Variants in SLK observed in about 807,000 individuals in gnomAD.
SLK encodes STE20 like kinase.
In SLK, 67 loss-of-function variants were observed where a neutral mutation model predicts 147.7. The observed-to-expected ratio is 0.45, with a 90% CI of 0.37 to 0.56. SLK has a LOEUF of 0.56. Among genes scored for constraint, SLK ranks in the 20% least tolerant of loss-of-function variants. SLK has a pLI of 0.00. For missense variants in SLK, 1,136 were observed against 1,438.8 expected, an observed-to-expected ratio of 0.79 and a Z score of 3.41; for synonymous variants, 441 against 475.0, an observed-to-expected ratio of 0.93 and a Z score of 0.93.
chr10:104,019,020 T>C, intron 15 of SLK, 112 bp downstream of exon 15: 1 of 1,057,090 alleles, frequency 9.5e-7, no homozygotes, highest in Non-Finnish European at 1.3e-6. Context: ...CCTTTCTGTC[T>C]TTTATCCTAC....
In SLK at chr10:104,018,771, T is replaced by C. The variant is rs760098740; in HGVS notation, c.3008-13T>C. ...AAGAGCAAAGTGACATTTTGAAAAC[T>C]GCTGTCTTCTAGCTCGAGAAGCTGC... On this transcript the variant is annotated splice_polypyrimidine_tract_variant and intron_variant, in intron 14 of 18. Transcript: ENST00000369755. 1.1e-5 allele frequency: 18 copies of C among 1,594,870 alleles called. No homozygotes were observed. Among genetic ancestry groups the C allele is most frequent in the Non-Finnish European group, 1.5e-5 (18 of 1,175,312 alleles).
At chr10:103,980,539 C>T (rs1843927639) in intron 1 of SLK, among the ~76,000 whole-genome samples, 1 of 152,118 alleles carries the variant, frequency 6.6e-6, no homozygotes, top group Non-Finnish European at 1.5e-5. Flanking sequence ...CTTTTTGATA[C>T]CATGATTTTG....
At chr10:103,975,914 G>C (rs1259378099) in intron 1 of SLK, among the ~76,000 whole-genome samples, 1 of 151,816 alleles carries the variant, frequency 6.6e-6, no homozygotes, top group Non-Finnish European at 1.5e-5. Context: ...ATCTTTATTT[G>C]TTTTATTATT....
intron 13 of SLK, among the ~76,000 whole-genome samples, chr10:104,013,038 C>A (rs1009486316): frequency 6.6e-6 from 1 of 152,112 alleles, no homozygotes; most frequent in Non-Finnish European, 1.5e-5. Flanking sequence ...CTGAGTAGAG[C>A]TGAAAGTAAT....
chr10:103,967,689 T>C lies in SLK; in HGVS notation c.-57T>C. 6.4e-7 allele frequency: 1 copy of C among 1,556,588 alleles called. No individual in the cohort carries two copies. The highest frequency in any genetic ancestry group is 8.8e-7 in the Non-Finnish European group (1 of 1,142,762). On this transcript the variant is annotated 5_prime_UTR_variant, in exon 1 of 19. Coordinates refer to ENST00000369755, the MANE Select transcript of SLK (RefSeq NM_014720.4). ...GCGCGGGAGAGCAGGGAAGAGAAACTTTGCCTTTTATTGTTTTTAGTCCTT... is the reference window on the plus strand; with the variant it reads ...GCGCGGGAGAGCAGGGAAGAGAAACCTTGCCTTTTATTGTTTTTAGTCCTT...
chr10:103,996,087 C>T (rs1844168114), intron 4 of SLK, among the ~76,000 whole-genome samples: 1 of 152,138 alleles, frequency 6.6e-6, no homozygotes, highest in Admixed American at 6.5e-5. Flanking sequence ...TGTTGGTTAT[C>T]TGAAGCTCAG....
At position 104,008,237 on chromosome 10, in the gene SLK, A is replaced by T; in HGVS notation, c.2665A>T (p.Ile889Phe). 6.2e-7 allele frequency: 1 copy of T among 1,614,056 alleles called. No individual in the cohort carries two copies. Among genetic ancestry groups the T allele is most frequent in the Non-Finnish European group, 8.5e-7 (1 of 1,179,952 alleles). Residue 889 changes from isoleucine to phenylalanine, a missense_variant, in exon 12 of 19, where the codon ATC becomes TTC. Around this residue, in one of 6 missense-constraint regions of SLK, gnomAD observed 327 missense variants for 457.5 expected, o/e 0.71. Transcript: ENST00000369755. The part of the protein sequence containing the change: ...ENLEKQQKQT[I>F]ERLEQEHTNR... ...TCTAGAAAAACAGCAGAAACAGACT[A>T]TCGAACGCCTGGAACAAGAGCACAC...
intron 1 of SLK, among the ~76,000 whole-genome samples, chr10:103,972,833 A>G (rs972609294): frequency 1.3e-5 from 2 of 152,078 alleles, no homozygotes; most frequent in African/African-American, 4.8e-5. Flanking sequence ...GTTTTTGGTA[A>G]TTTGAATTTC....
intron 1 of SLK, among the ~76,000 whole-genome samples, chr10:103,984,991 C>T (rs767915257): frequency 2.6e-5 from 4 of 152,084 alleles, no homozygotes; most frequent in African/African-American, 7.2e-5. Flanking sequence ...CCCCCTTATC[C>T]GAGGTTTCAC....
chr10:103,992,425 T>C (rs1219402989), intron 2 of SLK, among the ~76,000 whole-genome samples, 173 bp from the exon 3 acceptor site: 2 of 152,060 alleles, frequency 1.3e-5, no homozygotes, highest in Non-Finnish European at 2.9e-5. Flanking sequence ...AAATGCATAT[T>C]GTTTGAGATT....
Position 104,002,241 on chromosome 10 carries a change from CA to C in SLK, c.1067del (p.Asn356MetfsTer51). ...CAGCTCTGAAGAAGATAAACTTTCACAAAATGCTTGTATTTTGGAGTCTGTC... is the reference window on the plus strand; with the variant it reads ...CAGCTCTGAAGAAGATAAACTTTCACAAATGCTTGTATTTTGGAGTCTGTC... ...IASSEEDKLS[Q>X]NACILESVSE... On this transcript the variant is annotated frameshift_variant, in exon 9 of 19. Transcript: ENST00000369755. LOFTEE classifies it high-confidence loss of function. 1 of 1,610,994 alleles carries C rather than the reference CA, an allele frequency of 6.2e-7. No individual in the cohort carries two copies. The highest frequency in any genetic ancestry group is 8.5e-7 in the Non-Finnish European group (1 of 1,177,768).
intron 1 of SLK, among the ~76,000 whole-genome samples, chr10:103,976,545 G>T (rs61863698): frequency 0.2 from 29,818 of 151,136 alleles, 3,185 homozygotes; most frequent in Non-Finnish European, 0.24. Context: ...CAATATTTGG[G>T]TATCTTTTTT....
At chr10:103,996,308 T>C (rs1844171234) in intron 4 of SLK, among the ~76,000 whole-genome samples, 1 of 151,982 alleles carries the variant, frequency 6.6e-6, no homozygotes, top group Admixed American at 6.5e-5. Flanking sequence ...TTGTAAGTCA[T>C]GTGCTCTTTT....
chr10:104,023,417 G>A (rs1451930940), intron 18 of SLK, among the ~76,000 whole-genome samples: 1 of 152,128 alleles, frequency 6.6e-6, no homozygotes, highest in Non-Finnish European at 1.5e-5. Flanking sequence ...GACACTTACT[G>A]ATTAATTTTC....
chr10:104,012,243 A>T (rs1363907756), intron 13 of SLK, among the ~76,000 whole-genome samples: 1 of 152,194 alleles, frequency 6.6e-6, no homozygotes, highest in Non-Finnish European at 1.5e-5. Flanking sequence ...AGATATTTTA[A>T]AACTGCCATT....
Position 103,967,767 on chromosome 10 carries a change from A to G in SLK, c.22A>G (p.Lys8Glu), listed in dbSNP as rs1195980877. ...AAAAATGTCCTTCTTCAATTTCCGT[A>G]AGATCTTCAAGTTGGGGAGCGAGAA... MSFFNFR[K>E]IFKLGSEKKK... The change falls in exon 1 of 19, where the codon AAG becomes GAG. Residue 8 changes from lysine to glutamate, a missense_variant. Physicochemically the swap from Lys to Glu is moderately conservative, Grantham distance 56. This residue lies in a region of SLK where 126 missense variants were observed against 141.3 expected (regional missense o/e 0.89). Coordinates refer to ENST00000369755, the MANE Select transcript of SLK (RefSeq NM_014720.4). 2 of 1,614,120 alleles carry G rather than the reference A, an allele frequency of 1.2e-6. No homozygotes were observed.
Position 104,002,890 on chromosome 10 carries a change from G to A in SLK, c.1712G>A (p.Ser571Asn). 1 of 1,614,140 alleles carries A rather than the reference G, an allele frequency of 6.2e-7. No individual in the cohort carries two copies. The change falls in exon 9 of 19, where the codon AGT (serine) becomes AAT (asparagine). Residue 571 changes from serine (S) to asparagine (N), a missense_variant. This residue lies in a region of SLK where 516 missense variants were observed against 531.3 expected (regional missense o/e 0.97). Coordinates refer to ENST00000369755, the MANE Select transcript of SLK (RefSeq NM_014720.4). ...VDEDSAEDTQ[S>N]NDGKEVVEVG... Reference sequence around the variant, plus strand: ...GAAGACAGTGCTGAGGATACGCAGAGTAATGATGGGAAAGAAGTGGTCGAA... The same window carrying A: ...GAAGACAGTGCTGAGGATACGCAGAATAATGATGGGAAAGAAGTGGTCGAA...
intron 1 of SLK, among the ~76,000 whole-genome samples, chr10:103,968,252 C>T (rs77266983): frequency 6.6e-6 from 1 of 152,334 alleles, no homozygotes; most frequent in African/African-American, 2.4e-5. Context: ...GTGGATTTGT[C>T]TACTGACTGC....
intron 3 of SLK, 34 bp downstream of exon 3, chr10:103,992,680 T>C (rs756639157): frequency 6.5e-7 from 1 of 1,549,596 alleles, no homozygotes; most frequent in Non-Finnish European, 8.8e-7. Flanking sequence ...GTTCATATCT[T>C]AAATTATACT....
Sources: gnomAD v4.1 joint callset for allele counts (sites outside exome capture counted in the v4.1 genomes callset) on GRCh38, gnomAD v4.1.1 for gene constraint, gnomAD v4.1.1 regional missense constraint, MANE v1.5 for transcripts, NCBI Gene and HGNC (gene_info 2026-07-23, HGNC 2026-07-21) for gene names.